Variants in CRTC3 observed in about 807,000 individuals in gnomAD.
The protein encoded by CRTC3 is CREB regulated transcription coactivator 3, also known as CREB-regulated transcription coactivator 3.
A neutral mutation model predicts 74.5 loss-of-function variants in CRTC3; 26 were observed. The observed-to-expected ratio is 0.35, with a 90% CI of 0.26 to 0.48. CRTC3 has a LOEUF of 0.48. Among genes scored for constraint, CRTC3 ranks in the 20% least tolerant of loss-of-function variants. The pLI, the probability that CRTC3 is intolerant of heterozygous loss-of-function variation, is 0.99. For synonymous variants in CRTC3, 377 were observed against 325.8 expected (o/e 1.16, Z -1.69); for missense variants, 760 against 787.3 (o/e 0.97, Z 0.41).
chr15:90,613,759 G>T (rs1840726063), intron 6 of CRTC3: 1 of 152,106 alleles, frequency 6.6e-6, no homozygotes, highest in Non-Finnish European at 1.5e-5. Context: ...TTGCTCTTAA[G>T]GGAATGCTAA....
intron 7 of CRTC3, among the ~76,000 whole-genome samples, chr15:90,616,053 A>T (rs2151087174): frequency 6.6e-6 from 1 of 151,672 alleles, no homozygotes; most frequent in East Asian, 1.9e-4. Context: ...TTTAGTAGAG[A>T]TGGAATTTTG....
intron 2 of CRTC3, among the ~76,000 whole-genome samples, chr15:90,583,503 G>A (rs978311469): frequency 1.3e-5 from 2 of 152,066 alleles, no homozygotes; most frequent in African/African-American, 2.4e-5. Flanking sequence ...CAGATCAGCT[G>A]GTCAAAAAAG....
intron 1 of CRTC3, among the ~76,000 whole-genome samples, chr15:90,534,080 C>G (rs1966678058): frequency 6.6e-6 from 1 of 152,136 alleles, no homozygotes; most frequent in African/African-American, 2.4e-5. Context: ...ATTCCTCTAG[C>G]TCCAGCGTGG....
chr15:90,622,693 A>G, intron 9 of CRTC3, among the ~76,000 whole-genome samples: 1 of 152,100 alleles, frequency 6.6e-6, no homozygotes, highest in East Asian at 1.9e-4. Flanking sequence ...TCTACTAAAA[A>G]TACAAAAATT....
In CRTC3 at chr15:90,625,881, C is replaced by G; in HGVS notation, c.855C>G (p.Pro285=). The G allele has an allele frequency of 6.2e-7, 1 of 1,614,168 alleles. No homozygotes were observed. Among genetic ancestry groups the G allele is most frequent in the Non-Finnish European group, 8.5e-7 (1 of 1,180,014 alleles). Residue 285 remains proline (P), a synonymous_variant, in exon 10 of 15, where the codon CCC becomes CCG. Coordinates refer to ENST00000268184, the MANE Select transcript of CRTC3 (RefSeq NM_022769.5). ...PDLTNLHYST[P]LPASLDTTDH... is the part of the protein sequence containing the mutation. ...TAACCAACCTCCACTACTCGACACC[C>G]CTGCCAGCCTCCCTGGACACCACCG... is the stretch of plus-strand genomic sequence containing the variant.
chr15:90,567,778 G>C (rs1967161491), intron 2 of CRTC3, among the ~76,000 whole-genome samples: 1 of 152,192 alleles, frequency 6.6e-6, no homozygotes, highest in South Asian at 2.1e-4. Context: ...AAATGTAGAA[G>C]ATTAGTGTTT....
chr15:90,623,487 G>A (rs911356128), intron 9 of CRTC3, among the ~76,000 whole-genome samples: 3 of 152,090 alleles, frequency 2.0e-5, no homozygotes, highest in African/African-American at 7.2e-5. Flanking sequence ...GGCTCCACCA[G>A]TCCCCAGGCT....
At position 90,644,712 on chromosome 15, in the gene CRTC3, G is replaced by A. The variant is rs968817748; in HGVS notation, c.*2572G>A. 2 of 232,488 alleles carry A rather than the reference G, an allele frequency of 8.6e-6. No homozygotes were observed. The highest frequency in any genetic ancestry group is 1.7e-5 in the Non-Finnish European group (2 of 117,552). 14.4% of individuals were successfully genotyped at this position (232,488 alleles called of 1,614,324 possible). A position where few individuals can be genotyped will look rare whatever the true frequency, so the allele number is the denominator to read the frequency against. Reference sequence around the variant, plus strand: ...CTAGAAGGTGTGGAGGACTCACCACGGGCAGGGTCGCCCTGGCCCACAGCA... The same window carrying A: ...CTAGAAGGTGTGGAGGACTCACCACAGGCAGGGTCGCCCTGGCCCACAGCA... On this transcript the variant is annotated 3_prime_UTR_variant, in exon 15 of 15. Transcript: ENST00000268184.
At chr15:90,543,134 G>GAAAA (rs34961335) in intron 2 of CRTC3, among the ~76,000 whole-genome samples, 4 of 124,240 alleles carry the variant, frequency 3.2e-5, no homozygotes, top group Non-Finnish European at 4.9e-5. Context: ...TGTCTCTACT[G>GAAAA]AAAAAAAAAA....
chr15:90,538,773 C>CTTTT lies in CRTC3; in HGVS notation c.133-1255_133-1252dup, dbSNP rs4031379. 1.3e-3 allele frequency among the ~76,000 whole-genome samples: 191 copies of CTTTT among 144,436 alleles called. 3 individuals carry two copies. Among genetic ancestry groups the CTTTT allele is most frequent in the Middle Eastern group, 7.3e-3 (2 of 274 alleles). The allele number at this position is 144,436 out of a possible 152,430, so 94.8% of individuals were successfully genotyped here. A position where few individuals can be genotyped will look rare whatever the true frequency, so the allele number is the denominator to read the frequency against. On this transcript the variant is annotated intron_variant, in intron 1 of 14. Transcript: ENST00000268184. ...ATGCTTTTGGTAAACCAAACTTCAC[C>CTTTT]TTTTTTTTTTTTTTGAGTTTGTAAT...
chr15:90,540,149 T>G lies in CRTC3; in HGVS notation c.231+12T>G. 6.4e-7 allele frequency: 1 copy of G among 1,551,920 alleles called. No homozygotes were observed. The highest frequency in any genetic ancestry group is 8.8e-7 in the Non-Finnish European group (1 of 1,132,782). ...CGTCAGAGTTTCAGGTACCTCCAGATATGTACTTTCTTGAAGCTGAATGGA... is the reference window on the plus strand; with the variant it reads ...CGTCAGAGTTTCAGGTACCTCCAGAGATGTACTTTCTTGAAGCTGAATGGA... On this transcript the variant is annotated intron_variant, in intron 2 of 14. Coordinates refer to ENST00000268184, the MANE Select transcript of CRTC3 (RefSeq NM_022769.5).
chr15:90,566,237 G>A (rs1967119197), intron 2 of CRTC3, among the ~76,000 whole-genome samples: 1 of 152,118 alleles, frequency 6.6e-6, no homozygotes, highest in South Asian at 2.1e-4. Flanking sequence ...GCAGAGGTTG[G>A]TTCATGAGGT....
rs191307369 is a variant in CRTC3 at position 90,626,097 on chromosome 15, G to T, written c.967+104G>T. ...ATTGAATGAGAATGACTGCATCCCA[G>T]TTAGAGATGATAATGTACCTTCTTG... On this transcript the variant is annotated intron_variant, in intron 10 of 14. Coordinates refer to ENST00000268184, the MANE Select transcript of CRTC3 (RefSeq NM_022769.5). 1.5e-5 allele frequency: 13 copies of T among 861,846 alleles called. No homozygotes were observed. The Admixed American group carries it at 2.1e-4, about 14-fold the overall frequency. 53.4% of individuals were successfully genotyped at this position (861,846 alleles called of 1,614,324 possible). A position where few individuals can be genotyped will look rare whatever the true frequency, so the allele number is the denominator to read the frequency against.
At chr15:90,542,534 C>G (rs1966820050) in intron 2 of CRTC3, among the ~76,000 whole-genome samples, 1 of 152,042 alleles carries the variant, frequency 6.6e-6, no homozygotes, top group African/African-American at 2.4e-5. Context: ...CCCATCACCC[C>G]CTAATATTTC....
intron 11 of CRTC3, chr15:90,634,707 A>T (rs6496716): frequency 0.94 from 647,531 of 692,128 alleles, 303,902 homozygotes; most frequent in Middle Eastern, 0.98. Context: ...GGAGTATGAG[A>T]CTGAGGCGAA....
intron 9 of CRTC3, chr15:90,624,937 A>G (rs1185245003): frequency 2.0e-5 from 3 of 152,532 alleles, no homozygotes; most frequent in Non-Finnish European, 4.4e-5. Context: ...AGTACAGAAC[A>G]GAACTAGGGG....
intron 1 of CRTC3, among the ~76,000 whole-genome samples, chr15:90,536,798 C>T (rs1567157293): frequency 6.6e-6 from 1 of 152,116 alleles, no homozygotes; most frequent in Non-Finnish European, 1.5e-5. Flanking sequence ...CCTGGGCCAT[C>T]GTGAAGGGAT....
At chr15:90,535,329 G>T (rs915400530) in intron 1 of CRTC3, among the ~76,000 whole-genome samples, 1 of 152,124 alleles carries the variant, frequency 6.6e-6, no homozygotes, top group Non-Finnish European at 1.5e-5. Flanking sequence ...GAAGAGGAGG[G>T]AATGCCGACC....
At chr15:90,553,333 A>G (rs1966866461) in intron 2 of CRTC3, among the ~76,000 whole-genome samples, 1 of 152,174 alleles carries the variant, frequency 6.6e-6, no homozygotes, top group South Asian at 2.1e-4. Flanking sequence ...TATTCTGCCT[A>G]AGGAAATAGT....
Sources: allele counts gnomAD v4.1 joint callset (sites outside exome capture counted in the v4.1 genomes callset), GRCh38; gene constraint gnomAD v4.1.1; transcripts MANE v1.5; gene names NCBI Gene and HGNC (gene_info 2026-07-23, HGNC 2026-07-21).